The following SCHIP1 variants were observed in gnomAD, a reference collection of about 807,000 sequenced individuals.
SCHIP1 encodes the protein schwannomin interacting protein 1.
SCHIP1 carries 8 observed loss-of-function variants against 29.7 expected under a neutral mutation model. The ratio of observed to expected loss-of-function variants is 0.27; its 90% CI spans 0.16 to 0.49. The LOEUF is 0.49. SCHIP1 is among the 20% of genes least tolerant of loss of function. The pLI is 0.99. For missense variants in SCHIP1, 193 were observed against 294.6 expected, an observed-to-expected ratio of 0.66 and a Z score of 2.52; for synonymous variants, 76 against 94.9, an observed-to-expected ratio of 0.80 and a Z score of 1.16.
intron 6 of SCHIP1, chr3:159,892,395 C>A (rs187467526): frequency 1.1e-5 from 7 of 621,156 alleles, no homozygotes; most frequent in Middle Eastern, 3.9e-4. Flanking sequence ...AACCATCCCC[C>A]CCTTGTGATG....
chr3:159,825,267 G>A, the SCHIP1 span, among the ~76,000 whole-genome samples: 13 of 152,128 alleles, frequency 8.5e-5, no homozygotes, highest in Admixed American at 7.2e-4. Context: ...TTGAGTAAGT[G>A]TTAGCCTTAC....
the SCHIP1 span, among the ~76,000 whole-genome samples, chr3:159,507,752 T>C: frequency 6.6e-6 from 1 of 152,240 alleles, no homozygotes; most frequent in Non-Finnish European, 1.5e-5. Context: ...TGGTTCTGTT[T>C]ATATGCTGGA....
the SCHIP1 span, among the ~76,000 whole-genome samples, chr3:159,419,681 T>G: frequency 6.6e-6 from 1 of 152,082 alleles, no homozygotes; most frequent in Non-Finnish European, 1.5e-5. Context: ...TGGTTGCAGG[T>G]GCCTGTAATC....
the SCHIP1 span, among the ~76,000 whole-genome samples, chr3:159,757,985 A>G: frequency 2.6e-5 from 4 of 152,202 alleles, no homozygotes; most frequent in African/African-American, 9.7e-5. Flanking sequence ...GAGACATTTC[A>G]TCTTATATTA....
the SCHIP1 span, among the ~76,000 whole-genome samples, chr3:159,810,410 C>G: frequency 1.3e-5 from 2 of 152,216 alleles, no homozygotes; most frequent in Middle Eastern, 3.2e-3. Context: ...AACATCCCCA[C>G]AACCAAATGT....
At chr3:159,726,523 C>T in the SCHIP1 span, among the ~76,000 whole-genome samples, 1 of 152,158 alleles carries the variant, frequency 6.6e-6, no homozygotes, top group Non-Finnish European at 1.5e-5. Context: ...CATATTGAAC[C>T]ACTCTCCCAG....
At chr3:159,737,503 A>G in the SCHIP1 span, among the ~76,000 whole-genome samples, 1 of 152,198 alleles carries the variant, frequency 6.6e-6, no homozygotes, top group Non-Finnish European at 1.5e-5. Context: ...GCCTTTCTAT[A>G]TAATACCTCT....
chr3:159,571,444 A>G, the SCHIP1 span, among the ~76,000 whole-genome samples: 14 of 152,130 alleles, frequency 9.2e-5, no homozygotes, highest in African/African-American at 2.9e-4. Flanking sequence ...ATTGATTTGC[A>G]TATGTTGAAC....
the SCHIP1 span, among the ~76,000 whole-genome samples, chr3:159,295,268 AAAAAAAAAC>A: frequency 2.1e-5 from 3 of 144,988 alleles, no homozygotes; most frequent in Middle Eastern, 3.4e-3. Flanking sequence ...AAAAAAAAAA[AAAAAAAAAC>A]AACTAGCCAG....
the SCHIP1 span, among the ~76,000 whole-genome samples, chr3:159,443,695 G>C: frequency 1.3e-5 from 2 of 152,152 alleles, no homozygotes; most frequent in African/African-American, 4.8e-5. Context: ...TTTTAGTAGA[G>C]ACAGGGTTTC....
At chr3:159,875,874 C>T (rs1178636572) in intron 2 of SCHIP1, among the ~76,000 whole-genome samples, 1 of 152,118 alleles carries the variant, frequency 6.6e-6, no homozygotes, top group East Asian at 1.9e-4. Flanking sequence ...GGGAGGATCC[C>T]TTGAGCCCAG....
At chr3:159,346,236 T>C in the SCHIP1 span, among the ~76,000 whole-genome samples, 2 of 131,740 alleles carry the variant, frequency 1.5e-5, no homozygotes, top group African/African-American at 5.7e-5. Context: ...ATTAGTTGCA[T>C]CAGAAACAAT....
chr3:159,420,193 T>G, the SCHIP1 span, among the ~76,000 whole-genome samples: 3 of 152,132 alleles, frequency 2.0e-5, no homozygotes, highest in African/African-American at 7.2e-5. Flanking sequence ...GTGCAGACAC[T>G]ATATAAATGC....
the SCHIP1 span, among the ~76,000 whole-genome samples, chr3:159,374,618 C>G: frequency 6.6e-6 from 1 of 152,160 alleles, no homozygotes; most frequent in African/African-American, 2.4e-5. Flanking sequence ...TTAGAAGTTA[C>G]AGAAATATGT....
At chr3:159,874,403 T>C (rs992141972) in intron 2 of SCHIP1, among the ~76,000 whole-genome samples, 2 of 152,186 alleles carry the variant, frequency 1.3e-5, no homozygotes, top group Non-Finnish European at 2.9e-5. Flanking sequence ...TCAAAACTCA[T>C]TTCTTTCTTG....
the SCHIP1 span, among the ~76,000 whole-genome samples, chr3:159,634,519 AC>A: frequency 6.8e-4 from 104 of 152,152 alleles, no homozygotes; most frequent in African/African-American, 2.4e-3. Context: ...AGGCAAAGAA[AC>A]CAAATTTATC....
the SCHIP1 span, among the ~76,000 whole-genome samples, chr3:159,323,187 C>T: frequency 6.6e-6 from 1 of 152,120 alleles, no homozygotes; most frequent in Admixed American, 6.6e-5. Flanking sequence ...TGACTGCTCT[C>T]CCCTTATTCC....
chr3:159,543,397 G>A, the SCHIP1 span, among the ~76,000 whole-genome samples: 1 of 119,632 alleles, frequency 8.4e-6, no homozygotes. Flanking sequence ...ACCCCAGAGT[G>A]TGATGTCCCC....
the SCHIP1 span, among the ~76,000 whole-genome samples, chr3:159,472,496 T>C: frequency 6.6e-6 from 1 of 152,196 alleles, no homozygotes; most frequent in African/African-American, 2.4e-5. Flanking sequence ...TATGCTATAT[T>C]GCCTGAGTCG....
Sources: allele counts gnomAD v4.1 joint callset (sites outside exome capture counted in the v4.1 genomes callset), GRCh38; gene constraint gnomAD v4.1.1; transcripts MANE v1.5; gene names NCBI Gene and HGNC (gene_info 2026-07-23, HGNC 2026-07-21).